The following FRS2 variants were observed in gnomAD, a reference collection of about 807,000 sequenced individuals.
FRS2 encodes the protein fibroblast growth factor receptor substrate 2.
A neutral mutation model predicts 43.9 loss-of-function variants in FRS2; 8 were observed. That is an observed-to-expected ratio of 0.18 (90% CI 0.11 to 0.33). The LOEUF (loss-of-function observed/expected upper bound fraction) is 0.33. Ranked by LOEUF, FRS2 falls within the 10% of genes least tolerant of loss-of-function variation. The probability of loss-of-function intolerance (pLI) is 1.00; values close to 1 mark genes in which losing one functional copy is unlikely to be tolerated. For synonymous variants in FRS2, 219 were observed against 220.3 expected, an observed-to-expected ratio of 0.99 and a Z score of 0.05; for missense variants, 534 against 627.6, an observed-to-expected ratio of 0.85 and a Z score of 1.59.
intron 1 of FRS2, among the ~76,000 whole-genome samples, chr12:69,504,071 T>G (rs1873708092): frequency 6.6e-6 from 1 of 152,212 alleles, no homozygotes; most frequent in Non-Finnish European, 1.5e-5. Context: ...TGCATGCCTA[T>G]GTACCTGACA....
At chr12:69,520,961 A>G (rs1875578938) in intron 1 of FRS2, among the ~76,000 whole-genome samples, 1 of 152,084 alleles carries the variant, frequency 6.6e-6, no homozygotes, top group African/African-American at 2.4e-5. Context: ...TCTGTAAAGA[A>G]TGTCATTGGT....
At chr12:69,506,615 A>G (rs1592954426) in intron 1 of FRS2, among the ~76,000 whole-genome samples, 1 of 152,160 alleles carries the variant, frequency 6.6e-6, no homozygotes, top group East Asian at 1.9e-4. Flanking sequence ...AGATTCTTTT[A>G]GATCCAGTTC....
At chr12:69,529,859 A>G (rs774584412) in intron 1 of FRS2, among the ~76,000 whole-genome samples, 14 of 152,222 alleles carry the variant, frequency 9.2e-5, no homozygotes, top group South Asian at 2.1e-4. Flanking sequence ...CAGGAGTTCA[A>G]GACCAGCCTG....
At chr12:69,482,595 G>A (rs922362643) in intron 1 of FRS2, among the ~76,000 whole-genome samples, 14 of 152,196 alleles carry the variant, frequency 9.2e-5, no homozygotes, top group African/African-American at 3.4e-4. Flanking sequence ...TGTGATTGCT[G>A]TCATGGAGCA....
chr12:69,475,395 G>A (rs1010803669), intron 1 of FRS2, among the ~76,000 whole-genome samples: 2 of 152,142 alleles, frequency 1.3e-5, no homozygotes, highest in Non-Finnish European at 2.9e-5. Flanking sequence ...TGGGCTGTTT[G>A]GCTTAGTTTC....
rs1175997051 is a variant in FRS2 at position 69,553,430 on chromosome 12, A to G, written c.-121-8750A>G. On this transcript the variant is annotated intron_variant, in intron 3 of 8. Coordinates refer to ENST00000549921, the MANE Select transcript of FRS2 (RefSeq NM_001278356.2). Reference sequence around the variant, plus strand: ...ATGTCAGTTACGCTGATTACAGCTTAGAAGAAATTTCTTATCAAAATGTAA... The same window carrying G: ...ATGTCAGTTACGCTGATTACAGCTTGGAAGAAATTTCTTATCAAAATGTAA... 3.3e-5 allele frequency among the ~76,000 whole-genome samples: 5 copies of G among 152,204 alleles called. No individual in the cohort carries two copies. In the East Asian group the frequency reaches 7.7e-4, roughly 23 times the overall value.
intron 1 of FRS2, among the ~76,000 whole-genome samples, chr12:69,492,106 A>G (rs1198030001): frequency 2.6e-5 from 4 of 152,156 alleles, no homozygotes; most frequent in African/African-American, 7.2e-5. Context: ...ACTGGCTTTC[A>G]CTTGTTTACT....
At chr12:69,489,412 A>G (rs933872182) in intron 1 of FRS2, among the ~76,000 whole-genome samples, 1 of 152,166 alleles carries the variant, frequency 6.6e-6, no homozygotes, top group Non-Finnish European at 1.5e-5. Context: ...GCTTCCGCCT[A>G]TAATCCCAGC....
intron 1 of FRS2, among the ~76,000 whole-genome samples, chr12:69,506,102 C>T (rs1592953617): frequency 6.6e-6 from 1 of 151,914 alleles, no homozygotes; most frequent in African/African-American, 2.4e-5. Context: ...TATTTTTACC[C>T]GAACACTATT....
intron 1 of FRS2, among the ~76,000 whole-genome samples, chr12:69,523,619 G>A (rs1408191962): frequency 6.6e-6 from 1 of 152,136 alleles, no homozygotes; most frequent in Admixed American, 6.5e-5. Context: ...CTGTCATCAT[G>A]ATGTTAACTT....
intron 3 of FRS2, among the ~76,000 whole-genome samples, chr12:69,551,665 G>T (rs1288400310): frequency 6.6e-6 from 1 of 151,930 alleles, no homozygotes; most frequent in Admixed American, 6.5e-5. Flanking sequence ...GGGGAAAATA[G>T]TTCCCAGCAG....
chr12:69,483,867 A>G (rs1386150763), intron 1 of FRS2, among the ~76,000 whole-genome samples: 1 of 152,146 alleles, frequency 6.6e-6, no homozygotes, highest in Non-Finnish European at 1.5e-5. Flanking sequence ...TCTCAAAAGG[A>G]TAGTATTACT....
intron 1 of FRS2, among the ~76,000 whole-genome samples, chr12:69,494,145 T>G (rs1462775612): frequency 6.6e-6 from 1 of 152,284 alleles, no homozygotes; most frequent in African/African-American, 2.4e-5. Context: ...TAGAATTTAT[T>G]CGTCCATTTG....
At chr12:69,541,408 T>C (rs563936145) in intron 3 of FRS2, among the ~76,000 whole-genome samples, 16 of 152,246 alleles carry the variant, frequency 1.1e-4, no homozygotes, top group Admixed American at 1.0e-3. Flanking sequence ...CACTGTACCT[T>C]AGAATGTATA....
At chr12:69,505,056 A>C (rs1338146649) in intron 1 of FRS2, among the ~76,000 whole-genome samples, 1 of 152,210 alleles carries the variant, frequency 6.6e-6, no homozygotes, top group Non-Finnish European at 1.5e-5. Context: ...ATGGAGTCTC[A>C]GTATATTGCT....
At chr12:69,569,118 A>G (rs1462328606) in intron 5 of FRS2, 22 bp downstream of exon 5, 10 of 1,461,478 alleles carry the variant, frequency 6.8e-6, no homozygotes, top group Non-Finnish European at 7.7e-6. Flanking sequence ...TGGTTGAGTT[A>G]TATATCTTAC....
intron 1 of FRS2, among the ~76,000 whole-genome samples, chr12:69,499,022 G>C (rs1592942312): frequency 6.6e-6 from 1 of 152,152 alleles, no homozygotes; most frequent in East Asian, 1.9e-4. Flanking sequence ...GGATGACACA[G>C]CTGGCAAATG....
At chr12:69,563,598 C>T (rs1470214040) in intron 4 of FRS2, among the ~76,000 whole-genome samples, 1 of 152,194 alleles carries the variant, frequency 6.6e-6, no homozygotes, top group Non-Finnish European at 1.5e-5. Flanking sequence ...CTGTGGACTG[C>T]TGAGCACTGC....
At chr12:69,556,019 G>GT (rs1565771602) in intron 3 of FRS2, among the ~76,000 whole-genome samples, 27 of 144,834 alleles carry the variant, frequency 1.9e-4, no homozygotes, top group African/African-American at 6.7e-4. Context: ...GGGGGGGGGG[G>GT]CGGTGTACAC....
Sources: allele counts gnomAD v4.1 joint callset (sites outside exome capture counted in the v4.1 genomes callset), GRCh38; gene constraint gnomAD v4.1.1; transcripts MANE v1.5; gene names NCBI Gene and HGNC (gene_info 2026-07-23, HGNC 2026-07-21).